Variants in SPAG5 observed in about 807,000 individuals in gnomAD.
SPAG5 encodes sperm associated antigen 5.
SPAG5 carries 99 observed loss-of-function variants against 145.4 expected under a neutral mutation model. That is an observed-to-expected ratio of 0.68 (90% CI 0.58 to 0.80). The LOEUF is 0.80. Among genes scored for constraint, SPAG5 ranks in the 30% least tolerant of loss-of-function variants. SPAG5 has a pLI of 0.00. For synonymous variants in SPAG5, 477 were observed against 525.4 expected, an observed-to-expected ratio of 0.91 and a Z score of 1.26; for missense variants, 1,192 against 1,416.0, an observed-to-expected ratio of 0.84 and a Z score of 2.54.
chr17:28,578,770 G>A lies in SPAG5; in HGVS notation c.3118-18C>T. 4 of 1,599,796 alleles carry A rather than the reference G, an allele frequency of 2.5e-6. No homozygotes were observed. Among genetic ancestry groups the A allele is most frequent in the South Asian group, 2.2e-5 (2 of 90,812 alleles). ...TTTTCATTCTGTGAGGGAAAGGGAGGTGAGAAGACACATGAAGAGCTGGTC... is the reference window on the plus strand; with the variant it reads ...TTTTCATTCTGTGAGGGAAAGGGAGATGAGAAGACACATGAAGAGCTGGTC... On this transcript the variant is annotated intron_variant, in intron 19 of 23. Transcript: ENST00000321765.
rs139913371 is a variant in SPAG5, at chr17:28,585,672, G to A, written c.1741-19C>T. 5.6e-6 allele frequency: 9 copies of A among 1,613,058 alleles called. No individual in the cohort carries two copies. In the East Asian group the frequency reaches 2.0e-4, roughly 36 times the overall value. ...TCTCTGCCTATTGAGGGAAGTGGTT[G>A]CAAGGCCACAGTGGGCAACAGGGGA... On this transcript the variant is annotated intron_variant, in intron 7 of 23. Coordinates refer to ENST00000321765, the MANE Select transcript of SPAG5 (RefSeq NM_006461.4).
In SPAG5 at chr17:28,583,597, T is replaced by G. The variant is rs185304826; in HGVS notation, c.2599A>C (p.Thr867Pro). The G allele has an allele frequency of 8.5e-5, 137 of 1,613,694 alleles. No homozygotes were observed. The highest frequency in any genetic ancestry group is 1.1e-4 in the Non-Finnish European group (135 of 1,179,908). The change falls in exon 15 of 24, where the codon ACA (threonine) becomes CCA (proline). Residue 867 changes from threonine to proline, a missense_variant. Physicochemically the swap from Thr to Pro is conservative, Grantham distance 38. Around this residue, in one of 5 missense-constraint regions of SPAG5, gnomAD observed 709 missense variants for 840.7 expected, o/e 0.84. Transcript: ENST00000321765. ...CCTAGCTTTTGAGAGTACTGCCGTG[T>G]TTTCTCCAGATCTTGCTCCTGGTTA... ...ADNQEQDLEK[T>P]RQYSQKLGLL...
intron 4 of SPAG5, among the ~76,000 whole-genome samples, chr17:28,590,382 C>A (rs1347153472): frequency 2.0e-5 from 3 of 152,020 alleles, no homozygotes; most frequent in Non-Finnish European, 4.4e-5. Flanking sequence ...GCACACACCA[C>A]CACACCCAGC....
chr17:28,597,708 GAATA>G (rs1427566269), intron 2 of SPAG5, among the ~76,000 whole-genome samples: 19 of 152,236 alleles, frequency 1.2e-4, no homozygotes, highest in South Asian at 2.1e-4. Flanking sequence ...GCATGAAAAT[GAATA>G]GATACGATTA....
At chr17:28,579,309 T>C (rs1239563786) in intron 18 of SPAG5, 56 bp downstream of exon 18, 6 of 1,613,498 alleles carry the variant, frequency 3.7e-6, no homozygotes. Flanking sequence ...AGTTGGACCC[T>C]TGGCATAAGA....
At chr17:28,580,144 G>C in intron 15 of SPAG5, 24 bp from the exon 16 acceptor site, 1 of 1,564,114 alleles carries the variant, frequency 6.4e-7, no homozygotes, top group African/African-American at 1.4e-5. Context: ...AGAAAAAATA[G>C]CTGCTGTTCA....
chr17:28,597,027 C>T (rs2070670055), intron 2 of SPAG5, among the ~76,000 whole-genome samples: 3 of 151,868 alleles, frequency 2.0e-5, no homozygotes, highest in Admixed American at 2.0e-4. Flanking sequence ...GCAGAGGTTG[C>T]GGTGAGCCGA....
At chr17:28,591,348 C>T (rs558994234) in intron 4 of SPAG5, among the ~76,000 whole-genome samples, 2 of 152,336 alleles carry the variant, frequency 1.3e-5, no homozygotes, top group African/African-American at 2.4e-5. Flanking sequence ...TAGCTCACTG[C>T]AGCCTTAGCC....
chr17:28,584,265 A>T lies in SPAG5; in HGVS notation c.2310-13T>A. ...TTCCTTTTGCCATCTGCCAGAGACA[A>T]CATATTAGATCCCATTTGGTCCTAA... On this transcript the variant is annotated splice_polypyrimidine_tract_variant and intron_variant, in intron 12 of 23. Coordinates refer to ENST00000321765, the MANE Select transcript of SPAG5 (RefSeq NM_006461.4). 6.2e-7 allele frequency: 1 copy of T among 1,613,862 alleles called. No individual in the cohort carries two copies. Among genetic ancestry groups the T allele is most frequent in the Non-Finnish European group, 8.5e-7 (1 of 1,180,018 alleles).
intron 4 of SPAG5, among the ~76,000 whole-genome samples, chr17:28,589,052 T>C (rs2070603773): frequency 6.6e-6 from 1 of 152,176 alleles, no homozygotes; most frequent in Admixed American, 6.5e-5. Context: ...TTTAAATTGT[T>C]GCAAAGGCTG....
chr17:28,578,824 G>T, intron 19 of SPAG5, 72 bp from the exon 20 acceptor site: 1 of 1,236,576 alleles, frequency 8.1e-7, no homozygotes, highest in South Asian at 1.2e-5. Flanking sequence ...GGAGGTAGGA[G>T]AGAGTGCCTG....
chr17:28,584,803 C>G (rs1035468116), intron 10 of SPAG5, 58 bp from the exon 11 acceptor site: 9 of 1,287,648 alleles, frequency 7.0e-6, no homozygotes, highest in Non-Finnish European at 9.1e-6. Context: ...AATCCCAGGA[C>G]TTGGTCCAGC....
chr17:28,598,476 A>G, intron 2 of SPAG5, 34 bp downstream of exon 2: 1 of 1,608,634 alleles, frequency 6.2e-7, no homozygotes, highest in Non-Finnish European at 8.5e-7. Flanking sequence ...CTGGGCAAAC[A>G]GCCCAGTCGA....
chr17:28,587,272 C>T (rs1330476462), intron 4 of SPAG5, among the ~76,000 whole-genome samples: 1 of 148,000 alleles, frequency 6.8e-6, no homozygotes, highest in South Asian at 2.1e-4. Context: ...AAAGGCTGGG[C>T]GCGGTGGCGC....
intron 17 of SPAG5, 88 bp downstream of exon 17, chr17:28,579,663 G>C: frequency 1.4e-6 from 2 of 1,442,464 alleles, no homozygotes; most frequent in Non-Finnish European, 9.7e-7. Context: ...GAGGTTTTTA[G>C]AGCAAAGCAC....
At chr17:28,596,241 T>C (rs921223555) in intron 2 of SPAG5, among the ~76,000 whole-genome samples, 7 of 151,972 alleles carry the variant, frequency 4.6e-5, no homozygotes, top group Non-Finnish European at 5.9e-5. Context: ...TAATTGCTAT[T>C]TTATTGGGGA....
chr17:28,587,557 AT>A (rs999589052), intron 4 of SPAG5, among the ~76,000 whole-genome samples: 1 of 151,494 alleles, frequency 6.6e-6, no homozygotes, highest in East Asian at 1.9e-4. Flanking sequence ...AAAAAAAAAA[AT>A]TTTTTTTCAT....
At chr17:28,579,958 A>G (rs367738015) in intron 16 of SPAG5, 51 bp downstream of exon 16, 94 of 1,531,186 alleles carry the variant, frequency 6.1e-5, no homozygotes, top group Non-Finnish European at 8.3e-5. Context: ...AGCAGAAGAT[A>G]TCAGGAGCAG....
Position 28,592,158 on chromosome 17 carries a change from G to A in SPAG5, c.1086C>T (p.Ser362=), listed in dbSNP as rs1283237236. ...CCCGAAGCATCGAGGGAAGGGATAA[G>A]CTTTGGCGGAGATTTTCCAGCATGA... ...TSVMLENLRQ[S]LSLPSMLRDA... The change falls in exon 3 of 24, where the codon AGC becomes AGT. Residue 362 remains serine, a synonymous_variant. Transcript: ENST00000321765. 7 of 1,614,160 alleles carry A rather than the reference G, an allele frequency of 4.3e-6. No individual in the cohort carries two copies. The highest frequency in any genetic ancestry group is 2.2e-5 in the East Asian group (1 of 44,884).
Sources: allele counts gnomAD v4.1 joint callset (sites outside exome capture counted in the v4.1 genomes callset), GRCh38; gene constraint gnomAD v4.1.1; regional missense constraint gnomAD v4.1.1; transcripts MANE v1.5; gene names NCBI Gene and HGNC (gene_info 2026-07-23, HGNC 2026-07-21).